KCNU1: variants seen among roughly 807,000 people sequenced by gnomAD.
KCNU1 encodes the protein potassium channel subfamily U member 1.
KCNU1 carries 93 observed loss-of-function variants against 126.8 expected under a neutral mutation model. The observed-to-expected ratio is 0.73, with a 90% CI of 0.62 to 0.87. The LOEUF (loss-of-function observed/expected upper bound fraction) is 0.87, where lower values mean the gene tolerates loss of function less well. KCNU1 is among the 40% of genes least tolerant of loss of function. The pLI, the probability that KCNU1 is intolerant of heterozygous loss-of-function variation, is 0.00. For synonymous variants in KCNU1, 523 were observed against 494.2 expected (o/e 1.06, Z -0.77); for missense variants, 1,330 against 1,367.1 (o/e 0.97, Z 0.43).
intron 19 of KCNU1, among the ~76,000 whole-genome samples, chr8:36,891,909 A>G (rs538809342): frequency 1.4e-3 from 210 of 152,158 alleles, no homozygotes; most frequent in Middle Eastern, 3.4e-3. Flanking sequence ...TTGGCTCTGA[A>G]CAATTTGATT....
intron 19 of KCNU1, among the ~76,000 whole-genome samples, chr8:36,866,915 G>A (rs530205472): frequency 2.2e-4 from 33 of 152,090 alleles, no homozygotes; most frequent in Non-Finnish European, 4.3e-4. Flanking sequence ...GTGAGGTGAT[G>A]GATATTCTAA....
chr8:36,896,599 A>G (rs565048500), intron 19 of KCNU1, among the ~76,000 whole-genome samples: 2 of 152,154 alleles, frequency 1.3e-5, no homozygotes, highest in East Asian at 1.9e-4. Context: ...TAAGACATCT[A>G]AAATTTGGTG....
At chr8:36,786,041 TG>T (rs1802699559) in intron 1 of KCNU1, among the ~76,000 whole-genome samples, 1 of 152,016 alleles carries the variant, frequency 6.6e-6, no homozygotes, top group African/African-American at 2.4e-5. Flanking sequence ...TACTTTTCAA[TG>T]ATTTGTTTTA....
chr8:36,935,645 G>T lies in KCNU1; in HGVS notation c.3175G>T (p.Val1059Leu), dbSNP rs755332508. ...EFSLQKSYEI[V>L]NKASQTTETH... Reference sequence around the variant, plus strand: ...CTCATTGCAAAAGTCATATGAAATTGTAAATAAAGCATCACAGACAACAGA... The same window carrying T: ...CTCATTGCAAAAGTCATATGAAATTTTAAATAAAGCATCACAGACAACAGA... The change falls in exon 27 of 27, where the codon GTA becomes TTA. Residue 1059 changes from valine to leucine, a missense_variant. Val to Leu is a conservative substitution (Grantham distance 32, BLOSUM62 1). Around this residue, in one of 3 missense-constraint regions of KCNU1, gnomAD observed 1,054 missense variants for 1,053.9 expected, o/e 1.00. Transcript: ENST00000399881. 16 of 1,613,462 alleles carry T rather than the reference G, an allele frequency of 9.9e-6. No individual in the cohort carries two copies. The highest frequency in any genetic ancestry group is 6.7e-5 in the Admixed American group (4 of 59,962).
At chr8:36,897,411 C>T (rs1043368554) in intron 19 of KCNU1, among the ~76,000 whole-genome samples, 1 of 151,962 alleles carries the variant, frequency 6.6e-6, no homozygotes, top group African/African-American at 2.4e-5. Flanking sequence ...GTATTTCCCT[C>T]TGGAGCTTTA....
At chr8:36,830,747 C>CT in intron 10 of KCNU1, among the ~76,000 whole-genome samples, 1 of 150,234 alleles carries the variant, frequency 6.7e-6, no homozygotes, top group Admixed American at 6.7e-5. Flanking sequence ...AGATTTTTTT[C>CT]TTTTTTTTAA....
At chr8:36,853,838 G>A (rs1313245755) in intron 18 of KCNU1, among the ~76,000 whole-genome samples, 2 of 151,972 alleles carry the variant, frequency 1.3e-5, no homozygotes, top group Non-Finnish European at 2.9e-5. Flanking sequence ...CTGTGGATTT[G>A]AATTACTGCC....
At chr8:36,789,431 G>T (rs1347934107) in intron 2 of KCNU1, among the ~76,000 whole-genome samples, 1 of 151,324 alleles carries the variant, frequency 6.6e-6, no homozygotes, top group Non-Finnish European at 1.5e-5. Context: ...ACAGTTTTAA[G>T]TTCTCTTAAA....
In KCNU1 at chr8:36,787,364, G is replaced by C; in HGVS notation, c.254G>C (p.Gly85Ala). Residue 85 changes from glycine (G) to alanine (A), a missense_variant, in exon 2 of 27, where the codon GGA becomes GCA. Gly to Ala is a moderately conservative substitution (Grantham distance 60, BLOSUM62 0). This residue lies in a region of KCNU1 where 247 missense variants were observed against 255.4 expected (regional missense o/e 0.97). Coordinates refer to ENST00000399881, the MANE Select transcript of KCNU1 (RefSeq NM_001031836.3). ...RSHVRSLHFQ[G>A]QFRDHIEMLL... is the part of the protein sequence containing the mutation. The stretch of plus-strand genomic sequence containing the variant: ...CATGTAAGAAGCCTCCACTTCCAGG[G>C]ACAATTTCGTGATCATATAGAAATG... 2 of 1,612,630 alleles carry C rather than the reference G, an allele frequency of 1.2e-6. No individual in the cohort carries two copies. The highest frequency in any genetic ancestry group is 3.3e-4 in the Middle Eastern group (2 of 6,062).
chr8:36,869,953 C>A (rs1311415021), intron 19 of KCNU1, among the ~76,000 whole-genome samples: 1 of 152,082 alleles, frequency 6.6e-6, no homozygotes, highest in Non-Finnish European at 1.5e-5. Context: ...ATCTATAGAC[C>A]ACCAGCCTGA....
chr8:36,790,899 CA>C (rs1802878302), intron 2 of KCNU1, among the ~76,000 whole-genome samples: 1 of 151,114 alleles, frequency 6.6e-6, no homozygotes, highest in Non-Finnish European at 1.5e-5. Context: ...ATATACCCTA[CA>C]AACTAATGCC....
chr8:36,879,236 T>TATATATATATATATATATATAC (rs1159310924), intron 19 of KCNU1, among the ~76,000 whole-genome samples: 2 of 143,574 alleles, frequency 1.4e-5, no homozygotes, highest in African/African-American at 2.5e-5. Flanking sequence ...TATATATATA[T>TATATATATATATATATATATAC]ATACACACAC....
At chr8:36,894,546 T>C (rs1807105886) in intron 19 of KCNU1, among the ~76,000 whole-genome samples, 1 of 152,148 alleles carries the variant, frequency 6.6e-6, no homozygotes, top group Non-Finnish European at 1.5e-5. Context: ...AATATCAATA[T>C]CACTTAAAAA....
At position 36,791,417 on chromosome 8, in the gene KCNU1, A is replaced by G. The variant is rs563599181; in HGVS notation, c.315+3992A>G. On this transcript the variant is annotated intron_variant, in intron 2 of 26. Transcript: ENST00000399881. Reference sequence around the variant, plus strand: ...AGCAAATGTATCTATTTTTAACATCATCCTAAGCACTACTGTATGTTCACA... The same window carrying G: ...AGCAAATGTATCTATTTTTAACATCGTCCTAAGCACTACTGTATGTTCACA... Among the ~76,000 whole-genome samples the G allele has an allele frequency of 9.2e-5, 14 of 152,260 alleles. No individual in the cohort carries two copies. In the South Asian group the frequency reaches 2.9e-3, roughly 32 times the overall value.
At chr8:36,934,482 C>A (rs1808796487) in intron 26 of KCNU1, among the ~76,000 whole-genome samples, 1 of 151,966 alleles carries the variant, frequency 6.6e-6, no homozygotes, top group Non-Finnish European at 1.5e-5. Context: ...AACTCCACCC[C>A]TCCCCCAAAC....
intron 14 of KCNU1, among the ~76,000 whole-genome samples, chr8:36,840,029 A>G (rs1349863318): frequency 1.3e-5 from 2 of 152,228 alleles, no homozygotes; most frequent in Non-Finnish European, 2.9e-5. Context: ...GAAGCTATGA[A>G]TATTTTCTTC....
Position 36,836,300 on chromosome 8 carries a change from C to G in KCNU1, c.1300C>G (p.Leu434Val). 6.3e-7 allele frequency: 1 copy of G among 1,599,636 alleles called. No individual in the cohort carries two copies. The highest frequency in any genetic ancestry group is 8.6e-7 in the Non-Finnish European group (1 of 1,167,546). Residue 434 changes from leucine (L) to valine (V), a missense_variant, in exon 13 of 27, where the codon CTC (leucine) becomes GTC (valine). Around this residue, in one of 3 missense-constraint regions of KCNU1, gnomAD observed 1,054 missense variants for 1,053.9 expected, o/e 1.00. Coordinates refer to ENST00000399881, the MANE Select transcript of KCNU1 (RefSeq NM_001031836.3). ...GAGTGTTTGGGGTTTATATAGGGTG[C>G]TCTCTATCAAGAACTATGATTCTAC... ...AEDISNIMRV[L>V]SIKNYDSTTR...
chr8:36,794,945 C>G (rs1479865649), intron 2 of KCNU1, among the ~76,000 whole-genome samples: 1 of 151,552 alleles, frequency 6.6e-6, no homozygotes, highest in Non-Finnish European at 1.5e-5. Context: ...AAAAACAAAA[C>G]AAAACAAAAC....
intron 10 of KCNU1, among the ~76,000 whole-genome samples, chr8:36,823,929 C>T (rs993359686): frequency 6.6e-6 from 1 of 151,552 alleles, no homozygotes; most frequent in Admixed American, 6.6e-5. Context: ...CCTCCGCCTC[C>T]CAGATTCAAG....
Sources: gnomAD v4.1 joint callset for allele counts (sites outside exome capture counted in the v4.1 genomes callset) on GRCh38, gnomAD v4.1.1 for gene constraint, gnomAD v4.1.1 regional missense constraint, MANE v1.5 for transcripts, NCBI Gene and HGNC (gene_info 2026-07-23, HGNC 2026-07-21) for gene names.